CADPS2: variants seen among roughly 807,000 people sequenced by gnomAD.
The protein encoded by CADPS2 is calcium dependent secretion activator 2.
Under a neutral mutation model 172.5 loss-of-function variants are expected in CADPS2, and 93 were observed. The ratio of observed to expected loss-of-function variants is 0.54; its 90% CI spans 0.46 to 0.64. The LOEUF is 0.64. Among genes scored for constraint, CADPS2 ranks in the 30% least tolerant of loss-of-function variants. The pLI is 0.00. For synonymous variants in CADPS2, 546 were observed against 555.2 expected, an observed-to-expected ratio of 0.98 and a Z score of 0.23; for missense variants, 1,420 against 1,565.9, an observed-to-expected ratio of 0.91 and a Z score of 1.57.
chr7:122,583,561 C>A (rs1349372399), intron 6 of CADPS2, among the ~76,000 whole-genome samples: 1 of 151,148 alleles, frequency 6.6e-6, no homozygotes, highest in African/African-American at 2.4e-5. Flanking sequence ...TAGACACACA[C>A]ATAAATATAT....
At chr7:122,699,922 C>A (rs2085758674) in intron 2 of CADPS2, among the ~76,000 whole-genome samples, 1 of 152,118 alleles carries the variant, frequency 6.6e-6, no homozygotes, top group Admixed American at 6.6e-5. Flanking sequence ...TAAAGTTAAC[C>A]ATTAGCAGCA....
At chr7:122,677,224 T>C (rs4140960) in intron 2 of CADPS2, among the ~76,000 whole-genome samples, 16,628 of 152,194 alleles carry the variant, frequency 0.11, 1,249 homozygotes, top group African/African-American at 0.21. Flanking sequence ...TTTCTGGTGC[T>C]ATAAGTTTGT....
chr7:122,385,590 C>T (rs7811589), intron 24 of CADPS2, among the ~76,000 whole-genome samples: 3,954 of 152,102 alleles, frequency 0.026, 179 homozygotes, highest in African/African-American at 0.091. Context: ...AAAGTATACA[C>T]TAGTCAATCC....
At chr7:122,454,706 A>C (rs943853590) in intron 14 of CADPS2, among the ~76,000 whole-genome samples, 4 of 152,204 alleles carry the variant, frequency 2.6e-5, no homozygotes, top group African/African-American at 9.6e-5. Context: ...CCTTGAGAGA[A>C]ATTTAAACCA....
chr7:122,706,455 A>T (rs185187134), intron 2 of CADPS2, among the ~76,000 whole-genome samples: 16 of 144,592 alleles, frequency 1.1e-4, no homozygotes, highest in African/African-American at 3.8e-4. Context: ...TATATATTCA[A>T]GGAATATATA....
chr7:122,877,608 CAATAAA>C (rs1420536891), intron 1 of CADPS2, among the ~76,000 whole-genome samples: 2 of 151,784 alleles, frequency 1.3e-5, no homozygotes, highest in African/African-American at 4.8e-5. Context: ...AAAGATGTCA[CAATAAA>C]AATATAAAAT....
chr7:122,494,245 ACAG>A (rs1268158753), intron 9 of CADPS2, among the ~76,000 whole-genome samples: 1 of 152,190 alleles, frequency 6.6e-6, no homozygotes, highest in African/African-American at 2.4e-5. Flanking sequence ...TCTTACTGAT[ACAG>A]TAGCAAAAGG....
intron 8 of CADPS2, among the ~76,000 whole-genome samples, chr7:122,553,988 G>A (rs2064671444): frequency 6.6e-6 from 1 of 152,082 alleles, no homozygotes; most frequent in South Asian, 2.1e-4. Flanking sequence ...GATGAAGGCT[G>A]ACTCTGACCC....
At chr7:122,755,750 G>C (rs1439257213) in intron 1 of CADPS2, among the ~76,000 whole-genome samples, 1 of 151,698 alleles carries the variant, frequency 6.6e-6, no homozygotes, top group Non-Finnish European at 1.5e-5. Context: ...AAGGGAAACT[G>C]ATAAGATATT....
chr7:122,676,754 T>A (rs551988639), intron 2 of CADPS2: 1 of 1,291,390 alleles, frequency 7.7e-7, no homozygotes, highest in Admixed American at 1.9e-5. Context: ...CAGATTATCA[T>A]GGAGAAACTT....
intron 1 of CADPS2, among the ~76,000 whole-genome samples, chr7:122,751,765 A>T (rs1238121920): frequency 1.3e-5 from 2 of 152,140 alleles, no homozygotes; most frequent in African/African-American, 2.4e-5. Context: ...AACCTACACA[A>T]TACTAAACAT....
chr7:122,489,554 G>C (rs962999948), intron 11 of CADPS2, among the ~76,000 whole-genome samples: 4 of 152,058 alleles, frequency 2.6e-5, no homozygotes, highest in African/African-American at 9.7e-5. Flanking sequence ...ACTTAAGGTA[G>C]CATTCAAAAA....
Position 122,679,265 on chromosome 7 carries a change from T to TGTGTGGG in CADPS2, c.454-15697_454-15696insCCCACAC, listed in dbSNP as rs71161322. Among the ~76,000 whole-genome samples, 4 of 39,146 alleles carry TGTGTGGG rather than the reference T, an allele frequency of 1.0e-4. No homozygotes were observed. In the Admixed American group the frequency reaches 1.0e-3, roughly 10 times the overall value. 25.7% of individuals were successfully genotyped at this position (39,146 alleles called of 152,430 possible). ...CAGCCCTGGGAAAAGAATGCATTCC[T>TGTGTGGG]GGGGGGGGGGGGCTCTAAAATGGCC... On this transcript the variant is annotated intron_variant, in intron 2 of 29. Transcript: ENST00000449022.
chr7:122,670,869 CA>C (rs35788531), intron 2 of CADPS2, among the ~76,000 whole-genome samples: 12,759 of 122,846 alleles, frequency 0.1, 565 homozygotes, highest in African/African-American at 0.14. Flanking sequence ...AACCCTGTTT[CA>C]AAAAAAAAAA....
In CADPS2 at chr7:122,393,195, CGT is replaced by C. The variant is rs2044613509; in HGVS notation, c.3007_3008del (p.Thr1003GlnfsTer14). The C allele has an allele frequency of 6.2e-7, 1 of 1,613,292 alleles. No homozygotes were observed. The highest frequency in any genetic ancestry group is 8.5e-7 in the Non-Finnish European group (1 of 1,179,628). ...CCAGGAAATAAGTGAGGAATACACA[CGT>C]GGACTCATATAAAGAAGGCATCCAC... ...ASWMPSLYESTNGSATSEDLF... is the reference protein window; with the variant it reads ...ASWMPSLYESXNGSATSEDLF... On this transcript the variant is annotated frameshift_variant and splice_region_variant, in exon 22 of 30. Coordinates refer to ENST00000449022, the MANE Select transcript of CADPS2 (RefSeq NM_017954.11). LOFTEE classifies it high-confidence loss of function.
intron 4 of CADPS2, among the ~76,000 whole-genome samples, chr7:122,622,838 C>A (rs980009953): frequency 4.6e-5 from 7 of 152,128 alleles, no homozygotes; most frequent in Admixed American, 2.0e-4. Flanking sequence ...CCTAAGAAAT[C>A]TGCATGTGTA....
intron 17 of CADPS2, among the ~76,000 whole-genome samples, chr7:122,431,684 G>T (rs2049929663): frequency 1.3e-5 from 2 of 152,016 alleles, no homozygotes; most frequent in South Asian, 4.2e-4. Flanking sequence ...TAATAATAAT[G>T]ATACTATTTA....
chr7:122,355,503 C>T (rs1016251055), intron 27 of CADPS2, among the ~76,000 whole-genome samples: 5 of 151,814 alleles, frequency 3.3e-5, no homozygotes, highest in African/African-American at 9.7e-5. Context: ...ATCACTTGAA[C>T]CCGGGAGGTT....
chr7:122,696,201 G>A (rs2085060535), intron 2 of CADPS2, among the ~76,000 whole-genome samples: 1 of 152,256 alleles, frequency 6.6e-6, no homozygotes, highest in East Asian at 1.9e-4. Context: ...AGGGACAGCT[G>A]TCATGGGGTC....
Sources: gnomAD v4.1 joint callset for allele counts (sites outside exome capture counted in the v4.1 genomes callset) on GRCh38, gnomAD v4.1.1 for gene constraint, MANE v1.5 for transcripts, NCBI Gene and HGNC (gene_info 2026-07-23, HGNC 2026-07-21) for gene names.